The following THSD4 variants were observed in gnomAD, a reference collection of about 807,000 sequenced individuals.
The protein encoded by THSD4 is thrombospondin type-1 domain-containing protein 4.
Under a neutral mutation model 119.0 loss-of-function variants are expected in THSD4, and 69 were observed. That is an observed-to-expected ratio of 0.58 (90% CI 0.48 to 0.71). The LOEUF is 0.71. Among genes scored for constraint, THSD4 ranks in the 30% least tolerant of loss-of-function variants. The pLI is 0.00. For synonymous variants in THSD4, 524 were observed against 540.4 expected (o/e 0.97, Z 0.42); for missense variants, 1,393 against 1,391.1 (o/e 1.00, Z -0.02).
intron 7 of THSD4, among the ~76,000 whole-genome samples, chr15:71,424,138 T>C (rs1374423586): frequency 6.6e-6 from 1 of 152,192 alleles, no homozygotes; most frequent in African/African-American, 2.4e-5. Context: ...AACCAGGTTA[T>C]GTGATCGCCC....
intron 7 of THSD4, among the ~76,000 whole-genome samples, chr15:71,477,536 G>T (rs1471296518): frequency 6.6e-6 from 1 of 152,198 alleles, no homozygotes; most frequent in African/African-American, 2.4e-5. Flanking sequence ...CACATTGGGA[G>T]CATTATGCTG....
intron 3 of THSD4, among the ~76,000 whole-genome samples, chr15:71,198,036 C>G (rs1191267422): frequency 6.6e-6 from 1 of 152,162 alleles, no homozygotes; most frequent in African/African-American, 2.4e-5. Flanking sequence ...GGGAGGTTCA[C>G]TTGAGCTCAG....
chr15:71,703,312 C>T (rs57602907), intron 8 of THSD4, among the ~76,000 whole-genome samples: 74,823 of 152,076 alleles, frequency 0.49, 19,036 homozygotes, highest in African/African-American at 0.62. Context: ...ATCATGTAGA[C>T]CCAGAAATCT....
chr15:71,574,985 T>G (rs2049422768), intron 7 of THSD4, among the ~76,000 whole-genome samples: 2 of 152,110 alleles, frequency 1.3e-5, no homozygotes, highest in Admixed American at 1.3e-4. Flanking sequence ...CCTTTATGCT[T>G]GGGGCTTTAG....
chr15:71,326,199 G>C (rs191124319), intron 6 of THSD4, among the ~76,000 whole-genome samples: 1 of 152,196 alleles, frequency 6.6e-6, no homozygotes, highest in Admixed American at 6.5e-5. Flanking sequence ...TCCAAGCTTT[G>C]GTTTCCTCGT....
At chr15:71,432,165 A>G (rs2046951318) in intron 7 of THSD4, among the ~76,000 whole-genome samples, 1 of 152,170 alleles carries the variant, frequency 6.6e-6, no homozygotes, top group Non-Finnish European at 1.5e-5. Flanking sequence ...ACTAAACACC[A>G]TTTTGTATTT....
chr15:71,221,061 G>A (rs974100637), intron 4 of THSD4, among the ~76,000 whole-genome samples: 21 of 152,278 alleles, frequency 1.4e-4, no homozygotes, highest in African/African-American at 4.8e-4. Context: ...GGGAAGGGGC[G>A]AGTAGGGAAG....
Position 71,745,118 on chromosome 15 carries a change from C to A in THSD4, c.1919C>A (p.Pro640His). The A allele has an allele frequency of 6.2e-7, 1 of 1,611,284 alleles. No homozygotes were observed. Among genetic ancestry groups the A allele is most frequent in the Non-Finnish European group, 8.5e-7 (1 of 1,179,356 alleles). ...CCTGTTGTTGCAGGATCGCAGTACC[C>A]TATTTTCCGCTGTGTGCACAGAAGC... The part of the protein sequence containing the change: ...STTCGKGSQY[P>H]IFRCVHRSTH... Residue 640 changes from proline to histidine, a missense_variant, in exon 12 of 18, where the codon CCT becomes CAT. Transcript: ENST00000261862.
intron 6 of THSD4, among the ~76,000 whole-genome samples, chr15:71,360,991 C>T (rs950585365): frequency 1.3e-5 from 2 of 152,194 alleles, no homozygotes; most frequent in African/African-American, 2.4e-5. Flanking sequence ...GAGAATGTGA[C>T]ACTTGAGCTG....
At chr15:71,774,210 C>T (rs534820378) in intron 17 of THSD4, among the ~76,000 whole-genome samples, 1 of 150,860 alleles carries the variant, frequency 6.6e-6, no homozygotes, top group Non-Finnish European at 1.5e-5. Flanking sequence ...ACTTGGAAGG[C>T]TGAGGTGGGA....
At chr15:71,462,108 TTTTTTC>T (rs1453302885) in intron 7 of THSD4, among the ~76,000 whole-genome samples, 1 of 152,098 alleles carries the variant, frequency 6.6e-6, no homozygotes, top group African/African-American at 2.4e-5. Flanking sequence ...CCTAACTTTC[TTTTTTC>T]TTTTTCATAT....
chr15:71,501,180 A>G (rs796218609), intron 7 of THSD4, among the ~76,000 whole-genome samples: 64 of 152,178 alleles, frequency 4.2e-4, no homozygotes, highest in African/African-American at 1.5e-3. Flanking sequence ...GATGAGTGTG[A>G]AAAAAAATCC....
intron 6 of THSD4, among the ~76,000 whole-genome samples, chr15:71,366,903 T>TA (rs1476617292): frequency 6.6e-6 from 1 of 152,172 alleles, no homozygotes; most frequent in Non-Finnish European, 1.5e-5. Flanking sequence ...GCCCTTCTCA[T>TA]ACTGTGAAGG....
intron 2 of THSD4, among the ~76,000 whole-genome samples, chr15:71,154,565 G>A (rs145173230): frequency 1.6e-4 from 24 of 152,280 alleles, no homozygotes; most frequent in Admixed American, 3.3e-4. Flanking sequence ...TGTCATCCCC[G>A]TTTTTCAGGG....
rs757043060 is a variant in THSD4, at chr15:71,242,889, G to A, written c.705G>A (p.Leu235=). Reference sequence around the variant, plus strand: ...GTGACAGTGGCCCTCGCTCTGGACTGCAGGCTGCGGAGGCCCCCATCTACC... The same window carrying A: ...GTGACAGTGGCCCTCGCTCTGGACTACAGGCTGCGGAGGCCCCCATCTACC... The part of the protein sequence containing the change: ...YQSDSGPRSG[L]QAAEAPIYQL... Residue 235 remains leucine, a synonymous_variant, in exon 5 of 18, where the codon CTG becomes CTA. Transcript: ENST00000261862. 3.7e-6 allele frequency: 6 copies of A among 1,614,170 alleles called. No individual in the cohort carries two copies. The Middle Eastern group carries it at 4.9e-4, about 133-fold the overall frequency.
At chr15:71,744,280 C>G (rs574702881) in intron 11 of THSD4, among the ~76,000 whole-genome samples, 2 of 147,952 alleles carry the variant, frequency 1.4e-5, no homozygotes, top group South Asian at 4.3e-4. Flanking sequence ...CAGTTATAAA[C>G]ATTCATTCAA....
rs76164896 is a variant in THSD4 at position 71,284,116 on chromosome 15, C to G, written c.1015+27401C>G. Among the ~76,000 whole-genome samples, 858 of 152,116 alleles carry G rather than the reference C, an allele frequency of 5.6e-3. 1 individual carries two copies. The highest frequency in any genetic ancestry group is 0.01 in the Middle Eastern group (3 of 294). On this transcript the variant is annotated intron_variant, in intron 6 of 17. Coordinates refer to ENST00000261862, the MANE Select transcript of THSD4 (RefSeq NM_024817.3). Reference sequence around the variant, plus strand: ...GGATGAGAACCCTGGAAATGTGGCCCCAAGTAGTACAAAGAAAGACTAGAG... The same window carrying G: ...GGATGAGAACCCTGGAAATGTGGCCGCAAGTAGTACAAAGAAAGACTAGAG...
intron 7 of THSD4, among the ~76,000 whole-genome samples, chr15:71,457,623 G>C (rs2047359084): frequency 6.6e-6 from 1 of 152,026 alleles, no homozygotes; most frequent in Non-Finnish European, 1.5e-5. Context: ...TCTGCCTCAG[G>C]GGCTTGACAC....
At chr15:71,119,300 C>T (rs979463702) in intron 1 of THSD4, among the ~76,000 whole-genome samples, 2 of 152,194 alleles carry the variant, frequency 1.3e-5, no homozygotes, top group African/African-American at 4.8e-5. Flanking sequence ...AAAGAAAACA[C>T]AGGCTCCAGG....
Sources: gnomAD v4.1 joint callset for allele counts (sites outside exome capture counted in the v4.1 genomes callset) on GRCh38, gnomAD v4.1.1 for gene constraint, MANE v1.5 for transcripts, NCBI Gene and HGNC (gene_info 2026-07-23, HGNC 2026-07-21) for gene names.